MYO18B: variants seen among roughly 807,000 people sequenced by gnomAD.
MYO18B encodes the protein unconventional myosin-XVIIIb.
Under a neutral mutation model 273.0 loss-of-function variants are expected in MYO18B, and 204 were observed. The observed-to-expected ratio is 0.75, with a 90% CI of 0.67 to 0.84. The LOEUF (loss-of-function observed/expected upper bound fraction) is 0.84. MYO18B is among the 40% of genes least tolerant of loss of function. MYO18B has a pLI of 0.00. For missense variants in MYO18B, 3,212 were observed against 3,287.6 expected (o/e 0.98, Z 0.56); for synonymous variants, 1,330 against 1,305.7 (o/e 1.02, Z -0.40).
intron 8 of MYO18B, among the ~76,000 whole-genome samples, chr22:25,779,376 C>T (rs2087044875): frequency 6.6e-6 from 1 of 152,090 alleles, no homozygotes; most frequent in Non-Finnish European, 1.5e-5. Context: ...TTAATTTGCC[C>T]CAAATCAGGT....
intron 19 of MYO18B, among the ~76,000 whole-genome samples, chr22:25,846,941 C>T (rs954451428): frequency 8.6e-5 from 13 of 151,866 alleles, no homozygotes; most frequent in Admixed American, 5.2e-4. Context: ...ATTGGCTGGG[C>T]GTGGTGATGC....
At chr22:26,054,621 T>G in the MYO18B span, among the ~76,000 whole-genome samples, 1 of 152,146 alleles carries the variant, frequency 6.6e-6, no homozygotes, top group Non-Finnish European at 1.5e-5. Flanking sequence ...TTGAGAGGAA[T>G]CTCCTCATTG....
chr22:25,932,521 G>C (rs2092520660), intron 34 of MYO18B, among the ~76,000 whole-genome samples: 1 of 151,286 alleles, frequency 6.6e-6, no homozygotes, highest in African/African-American at 2.4e-5. Context: ...CGATTCCGCT[G>C]TCTCAGCCTC....
At chr22:25,967,971 C>T (rs1356546375) in intron 39 of MYO18B, among the ~76,000 whole-genome samples, 13 of 152,236 alleles carry the variant, frequency 8.5e-5, no homozygotes, top group East Asian at 7.7e-4. Context: ...TCCACTCATC[C>T]CCACAGTCAG....
At position 25,971,114 on chromosome 22, in the gene MYO18B, C is replaced by T. The variant is rs115740950; in HGVS notation, c.6156+15750C>T. Among the ~76,000 whole-genome samples the T allele has an allele frequency of 3.7e-3, 561 of 152,304 alleles. 8 individuals carry two copies. The highest frequency in any genetic ancestry group is 0.012 in the African/African-American group (510 of 41,564). ...TGTCACAACTACTCAACTCTGCTGT[C>T]GCAGCACAAAAGCAGCCCTAGACAT... On this transcript the variant is annotated intron_variant, in intron 39 of 43. Transcript: ENST00000335473.
chr22:25,770,983 G>A lies in MYO18B; in HGVS notation c.1691G>A (p.Arg564Gln), dbSNP rs1001070021. 33 of 1,550,504 alleles carry A rather than the reference G, an allele frequency of 2.1e-5. 1 individual carries two copies. Among genetic ancestry groups the A allele is most frequent in the South Asian group, 1.4e-4 (12 of 84,014 alleles). Residue 564 changes from arginine to glutamine, a missense_variant and splice_region_variant, in exon 6 of 44, where the codon CGG (arginine) becomes CAG (glutamine). Physicochemically the swap from Arg to Gln is conservative, Grantham distance 43. Coordinates refer to ENST00000335473, the MANE Select transcript of MYO18B (RefSeq NM_032608.7). The stretch of plus-strand genomic sequence containing the variant: ...GAGGTGGATGAGGAGCATGTCCATC[G>A]GGTGAGTCCCCTGTCCCGCCGTCCC... ...ITEVDEEHVH[R>Q]ANPPELDQVE...
At chr22:25,918,957 T>C (rs2092301136) in intron 33 of MYO18B, among the ~76,000 whole-genome samples, 1 of 152,184 alleles carries the variant, frequency 6.6e-6, no homozygotes, top group Non-Finnish European at 1.5e-5. Flanking sequence ...TTAGTAGCAA[T>C]ATGACATTGG....
At chr22:25,936,570 C>A (rs549208400) in intron 34 of MYO18B, among the ~76,000 whole-genome samples, 12 of 152,320 alleles carry the variant, frequency 7.9e-5, no homozygotes, top group African/African-American at 2.9e-4. Context: ...AAACTGAAAA[C>A]AGCTACTTCC....
intron 34 of MYO18B, among the ~76,000 whole-genome samples, chr22:25,927,885 A>T (rs987156471): frequency 6.6e-6 from 1 of 152,144 alleles, no homozygotes; most frequent in Non-Finnish European, 1.5e-5. Context: ...GATACTCTTT[A>T]TTGGAGGACT....
In MYO18B at chr22:25,781,609, C is replaced by CGAAA. The variant is rs2087158027; in HGVS notation, c.2212-125_2212-124insGAAA. 2.9e-5 allele frequency: 8 copies of CGAAA among 277,366 alleles called. No homozygotes were observed. The South Asian group carries it at 7.8e-4, about 27-fold the overall frequency. The allele number at this position is 277,366 out of a possible 1,614,324, so 17.2% of individuals were successfully genotyped here. A position where few individuals can be genotyped will look rare whatever the true frequency, so the allele number is the denominator to read the frequency against. On this transcript the variant is annotated intron_variant, in intron 9 of 43. Transcript: ENST00000335473. ...TGGGCAACAGAGCGAGACTCCGTCT[C>CGAAA]AAAAAAAAAAAAAAAAGAGTGGATC... is the stretch of plus-strand genomic sequence containing the variant.
the MYO18B span, among the ~76,000 whole-genome samples, chr22:26,060,698 AC>A: frequency 6.6e-6 from 1 of 152,180 alleles, no homozygotes; most frequent in East Asian, 1.9e-4. Flanking sequence ...ATATGTACAT[AC>A]ATACACACAT....
At position 26,027,151 on chromosome 22, in the gene MYO18B, G is replaced by T; in HGVS notation, c.7177G>T (p.Asp2393Tyr). Residue 2393 changes from aspartate (D) to tyrosine (Y), a missense_variant, in exon 43 of 44, where the codon GAT (aspartate) becomes TAT (tyrosine). By Grantham distance (160) the Asp-to-Tyr change is radical. Coordinates refer to ENST00000335473, the MANE Select transcript of MYO18B (RefSeq NM_032608.7). This position sits in a 1 kb window ranked among gnomAD's most constrained non-coding sequence, Gnocchi z 4.1. ...RRRCLESSVD[D>Y]AGCPDLGKEP... ...GCGGTGTCTGGAGTCCTCTGTGGAC[G>T]ATGCGGGCTGTCCAGACCTTGGAAA... 3.1e-6 allele frequency: 5 copies of T among 1,613,974 alleles called. No homozygotes were observed. Among genetic ancestry groups the T allele is most frequent in the Non-Finnish European group, 4.2e-6 (5 of 1,179,890 alleles).
At chr22:26,004,224 C>T (rs1934231003) in intron 41 of MYO18B, among the ~76,000 whole-genome samples, 1 of 151,696 alleles carries the variant, frequency 6.6e-6, no homozygotes, top group African/African-American at 2.4e-5. Context: ...ACGACCCCCT[C>T]TCTTTCTGTG....
At chr22:25,824,470 T>C (rs867728838) in intron 13 of MYO18B, among the ~76,000 whole-genome samples, 1 of 152,176 alleles carries the variant, frequency 6.6e-6, no homozygotes, top group East Asian at 1.9e-4. Context: ...GAGGACTTTG[T>C]ACTGTACTTG....
In MYO18B at chr22:25,761,031, G is replaced by C. The variant is rs759286971; in HGVS notation, c.-62G>C. The C allele has an allele frequency of 1.4e-4, 226 of 1,580,020 alleles. No individual in the cohort carries two copies. Among genetic ancestry groups the C allele is most frequent in the Non-Finnish European group, 1.9e-4 (214 of 1,151,146 alleles). ...GCGTGTGTCTGTAAAGCCTCATTCC[G>C]TGCTGTCTGGCAGGAAGCTCCATCT... is the stretch of plus-strand genomic sequence containing the variant. On this transcript the variant is annotated 5_prime_UTR_variant, in exon 2 of 44. Coordinates refer to ENST00000335473, the MANE Select transcript of MYO18B (RefSeq NM_032608.7).
At position 26,026,563 on chromosome 22, in the gene MYO18B, G is replaced by A; in HGVS notation, c.6589G>A (p.Val2197Ile). ...AGACAAGCCTGTTTCTCCCCACTTT[G>A]TCCGCCGGCAAAAGTACTGTCATTT... ...SGDKPVSPHF[V>I]RRQKYCHFGD... The change falls in exon 43 of 44, where the codon GTC becomes ATC. Residue 2197 changes from valine (V) to isoleucine (I), a missense_variant. Transcript: ENST00000335473. 1 of 1,613,840 alleles carries A rather than the reference G, an allele frequency of 6.2e-7. No individual in the cohort carries two copies. Among genetic ancestry groups the A allele is most frequent in the Non-Finnish European group, 8.5e-7 (1 of 1,179,862 alleles).
chr22:25,781,102 T>A (rs992399147), intron 9 of MYO18B, among the ~76,000 whole-genome samples: 2 of 152,188 alleles, frequency 1.3e-5, no homozygotes, highest in African/African-American at 4.8e-5. Context: ...TTAATCACTA[T>A]TTGGGTTAAG....
chr22:26,037,480 G>A, the MYO18B span, among the ~76,000 whole-genome samples: 6 of 152,018 alleles, frequency 3.9e-5, no homozygotes, highest in East Asian at 1.2e-3. Context: ...CTCTTCCTAA[G>A]ACAGTCACTC....
rs1243062247 is a variant in MYO18B at position 26,027,406 on chromosome 22, G to A, written c.7432G>A (p.Glu2478Lys). ...GCGTTCAAGCATCCACTTTGAAACG[G>A]AAGAGGCTAACCGTTCCTTTCTCTC... is the stretch of plus-strand genomic sequence containing the variant. ...SQRSSIHFET[E>K]EANRSFLSGI... The change falls in exon 43 of 44, where the codon GAA becomes AAA. Residue 2478 changes from glutamate to lysine, a missense_variant. Transcript: ENST00000335473. This position sits in a 1 kb window ranked among gnomAD's most constrained non-coding sequence, Gnocchi z 4.1. 4 of 1,613,974 alleles carry A rather than the reference G, an allele frequency of 2.5e-6. No homozygotes were observed. The highest frequency in any genetic ancestry group is 4.5e-5 in the East Asian group (2 of 44,868).
Sources: allele counts gnomAD v4.1 joint callset (sites outside exome capture counted in the v4.1 genomes callset), GRCh38; gene constraint gnomAD v4.1.1; non-coding constraint Gnocchi (gnomAD v3.1); transcripts MANE v1.5; gene names NCBI Gene and HGNC (gene_info 2026-07-23, HGNC 2026-07-21).